The following SPEG variants were observed in gnomAD, a reference collection of about 807,000 sequenced individuals.
The protein encoded by SPEG is striated muscle enriched protein kinase.
A neutral mutation model predicts 300.4 loss-of-function variants in SPEG; 114 were observed. The ratio of observed to expected loss-of-function variants is 0.38; its 90% CI spans 0.33 to 0.44. The LOEUF (loss-of-function observed/expected upper bound fraction) is 0.44. Among genes scored for constraint, SPEG ranks in the 20% least tolerant of loss-of-function variants. The pLI, the probability that SPEG is intolerant of heterozygous loss-of-function variation, is 1.00. For missense variants in SPEG, 4,201 were observed against 4,586.2 expected, an observed-to-expected ratio of 0.92 and a Z score of 2.43; for synonymous variants, 1,964 against 2,018.9, an observed-to-expected ratio of 0.97 and a Z score of 0.73.
Position 219,440,005 on chromosome 2 carries a change from C to T in SPEG, c.388+4640C>T, listed in dbSNP as rs905449089. 1.8e-4 allele frequency among the ~76,000 whole-genome samples: 27 copies of T among 152,208 alleles called. 1 individual carries two copies. The highest frequency in any genetic ancestry group is 3.5e-4 in the Non-Finnish European group (24 of 68,044). On this transcript the variant is annotated intron_variant, in intron 1 of 40. Transcript: ENST00000312358. Reference sequence around the variant, plus strand: ...TCAGCACACGTCCCTGTGCATGTGTCTGTACTTGTAATTTGCTTTGATGCT... The same window carrying T: ...TCAGCACACGTCCCTGTGCATGTGTTTGTACTTGTAATTTGCTTTGATGCT...
rs752626494 is a variant in SPEG, at chr2:219,445,142, C to T, written c.796C>T (p.Arg266Trp). 42 of 1,578,954 alleles carry T rather than the reference C, an allele frequency of 2.7e-5. No individual in the cohort carries two copies. The highest frequency in any genetic ancestry group is 3.3e-4 in the Middle Eastern group (2 of 6,040). Residue 266 changes from arginine (R) to tryptophan (W), a missense_variant, in exon 3 of 41, where the codon CGG (arginine) becomes TGG (tryptophan). Physicochemically the swap from Arg to Trp is moderately radical, Grantham distance 101. Transcript: ENST00000312358. The surrounding 1 kb of genome is among the most constrained non-coding windows in gnomAD (Gnocchi z 6.1). The stretch of plus-strand genomic sequence containing the variant: ...CAGCGCATTCAGCCTGTACAGAGGA[C>T]GGGCGCTCTCTATCCACGTGTAAGT... ...YGSAFSLYRG[R>W]ALSIHVSVPQ...
intron 1 of SPEG, among the ~76,000 whole-genome samples, chr2:219,442,550 T>C (rs1485953003): frequency 6.9e-6 from 1 of 145,606 alleles, no homozygotes; most frequent in African/African-American, 2.6e-5. Flanking sequence ...AGCCCTGCCC[T>C]GTCCTCCGCG....
At chr2:219,436,768 C>T (rs1954730727) in intron 1 of SPEG, among the ~76,000 whole-genome samples, 2 of 152,290 alleles carry the variant, frequency 1.3e-5, no homozygotes, top group Admixed American at 1.3e-4. Flanking sequence ...AAGTACAGGC[C>T]TCCCGAGCCT....
intron 1 of SPEG, among the ~76,000 whole-genome samples, chr2:219,440,055 C>T (rs1025699885): frequency 6.6e-6 from 1 of 152,190 alleles, no homozygotes; most frequent in Non-Finnish European, 1.5e-5. Context: ...CACCTGTATG[C>T]ACCCAGAATG....
rs1361043381 is a variant in SPEG, at chr2:219,483,933, G to A, written c.6470G>A (p.Gly2157Glu). The change falls in exon 30 of 41, where the codon GGG (glycine) becomes GAG (glutamate). Residue 2157 changes from glycine (G) to glutamate (E), a missense_variant. Gly to Glu is a moderately conservative substitution (Grantham distance 98). Coordinates refer to ENST00000312358, the MANE Select transcript of SPEG (RefSeq NM_005876.5). ...CTCGAGATCCCCGTGGCCAGGCTTG[G>A]GGCCCGTAGGCTACAGGAGTCTCCT... ...APLEIPVARL[G>E]ARRLQESPSL... The A allele has an allele frequency of 6.2e-7, 1 of 1,605,116 alleles. No individual in the cohort carries two copies. Among genetic ancestry groups the A allele is most frequent in the South Asian group, 1.1e-5 (1 of 91,068 alleles).
intron 1 of SPEG, among the ~76,000 whole-genome samples, chr2:219,442,574 T>G (rs1689002395): frequency 1.3e-5 from 2 of 151,786 alleles, no homozygotes; most frequent in East Asian, 2.0e-4. Context: ...CTGGGCCTCC[T>G]GCATTCGTGA....
Position 219,464,954 on chromosome 2 carries a change from C to A in SPEG, c.2881+346C>A. On this transcript the variant is annotated intron_variant, in intron 9 of 40. Coordinates refer to ENST00000312358, the MANE Select transcript of SPEG (RefSeq NM_005876.5). The surrounding 1 kb of genome is among the most constrained non-coding windows in gnomAD (Gnocchi z 4.5). ...CTTTGTCACCCTGCTCTGCCCAGGA[C>A]CCTCCCTCATCCCCCTCCCCCTCTC... is the stretch of plus-strand genomic sequence containing the variant. 3 of 219,340 alleles carry A rather than the reference C, an allele frequency of 1.4e-5. No individual in the cohort carries two copies. Among genetic ancestry groups the A allele is most frequent in the Non-Finnish European group, 2.7e-5 (3 of 110,684 alleles). 13.6% of individuals were successfully genotyped at this position (219,340 alleles called of 1,614,324 possible).
Position 219,485,370 on chromosome 2 carries a change from T to C in SPEG, c.7634T>C (p.Leu2545Pro), listed in dbSNP as rs2125565611. The C allele has an allele frequency of 6.2e-7, 1 of 1,606,240 alleles. No homozygotes were observed. Among genetic ancestry groups the C allele is most frequent in the African/African-American group, 1.3e-5 (1 of 74,502 alleles). ...SSAPGESRSR[L>P]RWGFSRPRKD... ...GCCCCAGGGGAAAGCCGAAGCCGGC[T>C]CCGCTGGGGCTTCTCTCGGCCGCGG... Residue 2545 changes from leucine to proline, a missense_variant, in exon 31 of 41, where the codon CTC (leucine) becomes CCC (proline). By Grantham distance (98) the Leu-to-Pro change is moderately conservative (BLOSUM62 -3). Transcript: ENST00000312358.
At position 219,478,104 on chromosome 2, in the gene SPEG, C is replaced by A; in HGVS notation, c.5026C>A (p.Leu1676Ile). Residue 1676 changes from leucine to isoleucine, a missense_variant and splice_region_variant, in exon 22 of 41, where the codon CTC becomes ATC. By Grantham distance (5) the Leu-to-Ile change is conservative. Transcript: ENST00000312358. ...RRRGLVIVTE[L>I]CTEELLERIA... The stretch of plus-strand genomic sequence containing the variant: ...CCGGGGACTGGTCATTGTCACCGAG[C>A]TGTATCCTGGGACAGGCTGGGGGCT... The A allele has an allele frequency of 6.2e-7, 1 of 1,613,088 alleles. No individual in the cohort carries two copies. Among genetic ancestry groups the A allele is most frequent in the Non-Finnish European group, 8.5e-7 (1 of 1,179,128 alleles).
At chr2:219,466,384 G>C in intron 9 of SPEG, 1 of 1,369,870 alleles carries the variant, frequency 7.3e-7, no homozygotes, top group East Asian at 2.8e-5. Context: ...CCGGGCGAGT[G>C]CATGTGCTAC....
chr2:219,476,998 T>C lies in SPEG; in HGVS notation c.4560+16T>C, dbSNP rs372318595. 6 of 1,468,462 alleles carry C rather than the reference T, an allele frequency of 4.1e-6. No homozygotes were observed. Among genetic ancestry groups the C allele is most frequent in the Non-Finnish European group, 5.6e-6 (6 of 1,080,524 alleles). 91.0% of individuals were successfully genotyped at this position (1,468,462 alleles called of 1,614,324 possible). A position where few individuals can be genotyped will look rare whatever the true frequency, so the allele number is the denominator to read the frequency against. On this transcript the variant is annotated intron_variant, in intron 19 of 40. Transcript: ENST00000312358. ...GTGGTACAAGGTCAGAGTGTGCTGC[T>C]GGCTGAGCCTGGGGGAGGGAGGAGG... is the stretch of plus-strand genomic sequence containing the variant.
rs73087214 is a variant in SPEG, at chr2:219,480,306, G to A, written c.5342+166G>A. ...GCCCATGTTACTCCTTGCCCCTTGT[G>A]AGTCAGGGCTGCCCCATTCTCTCAA... On this transcript the variant is annotated intron_variant, in intron 25 of 40. Coordinates refer to ENST00000312358, the MANE Select transcript of SPEG (RefSeq NM_005876.5). This position sits in a 1 kb window ranked among gnomAD's most constrained non-coding sequence, Gnocchi z 5.3. 6.6e-6 allele frequency among the ~76,000 whole-genome samples: 1 copy of A among 152,286 alleles called. No individual in the cohort carries two copies. Among genetic ancestry groups the A allele is most frequent in the African/African-American group, 2.4e-5 (1 of 41,562 alleles).
Position 219,449,109 on chromosome 2 carries a change from G to C in SPEG, c.1951G>C (p.Ala651Pro), listed in dbSNP as rs1689544779. ...CTGGGCCACGCCGGGCCTGGAGGGC[G>C]CTGCTGTACCCCAGACCTTGGAGAA... ...LPWATPGLEG[A>P]AVPQTLEKNR... The change falls in exon 4 of 41, where the codon GCT becomes CCT. Residue 651 changes from alanine to proline, a missense_variant. By Grantham distance (27) the Ala-to-Pro change is conservative. Coordinates refer to ENST00000312358, the MANE Select transcript of SPEG (RefSeq NM_005876.5). The C allele has an allele frequency of 6.8e-7, 1 of 1,479,776 alleles. No individual in the cohort carries two copies. The highest frequency in any genetic ancestry group is 2.8e-5 in the East Asian group (1 of 35,388). 91.7% of individuals were successfully genotyped at this position (1,479,776 alleles called of 1,614,324 possible). A position where few individuals can be genotyped will look rare whatever the true frequency, so the allele number is the denominator to read the frequency against.
intron 22 of SPEG, 38 bp downstream of exon 22, chr2:219,478,143 C>T: frequency 1.9e-6 from 3 of 1,556,290 alleles, no homozygotes; most frequent in Non-Finnish European, 2.7e-6. Flanking sequence ...GGGATCCATG[C>T]CTAAATGACT....
Position 219,483,981 on chromosome 2 carries a change from C to T in SPEG, c.6518C>T (p.Ala2173Val). The T allele has an allele frequency of 1.9e-6, 3 of 1,610,976 alleles. No homozygotes were observed. Among genetic ancestry groups the T allele is most frequent in the Non-Finnish European group, 2.5e-6 (3 of 1,179,858 alleles). Residue 2173 changes from alanine to valine, a missense_variant, in exon 30 of 41, where the codon GCC becomes GTC. Around this residue, in one of 4 missense-constraint regions of SPEG, gnomAD observed 1,578 missense variants for 1,506.0 expected, o/e 1.05. Transcript: ENST00000312358. ...ESPSLSALSE[A>V]QPSSPARPSA... ...CCTTCCCTGTCTGCCCTCAGCGAGG[C>T]CCAGCCATCCAGCCCTGCACGGCCC...
intron 31 of SPEG, among the ~76,000 whole-genome samples, chr2:219,486,419 T>C (rs1176969882): frequency 6.6e-6 from 1 of 152,180 alleles, no homozygotes; most frequent in Non-Finnish European, 1.5e-5. Context: ...CTGTCGAGTC[T>C]TGCCTCAGCT....
intron 8 of SPEG, among the ~76,000 whole-genome samples, chr2:219,463,949 C>T (rs1380688678): frequency 6.6e-6 from 1 of 151,898 alleles, no homozygotes; most frequent in Non-Finnish European, 1.5e-5. Context: ...TGGTGAAACC[C>T]TGTATCTACA....
At position 219,477,921 on chromosome 2, in the gene SPEG, T is replaced by C; in HGVS notation, c.4843T>C (p.Leu1615=). The C allele has an allele frequency of 6.2e-7, 1 of 1,614,132 alleles. No homozygotes were observed. Among genetic ancestry groups the C allele is most frequent in the East Asian group, 2.2e-5 (1 of 44,884 alleles). ...QEIGRGAFSY[L]RRIVERSSGL... is the part of the protein sequence containing the mutation. ...GTCAACCAGGGGTGCTTTCTCCTACTTGCGGCGCATAGTGGAGCGTAGCTC... is the reference window on the plus strand; with the variant it reads ...GTCAACCAGGGGTGCTTTCTCCTACCTGCGGCGCATAGTGGAGCGTAGCTC... Residue 1615 remains leucine, a synonymous_variant, in exon 22 of 41, where the codon TTG becomes CTG. Transcript: ENST00000312358. The surrounding 1 kb of genome is among the most constrained non-coding windows in gnomAD (Gnocchi z 6.4).
In SPEG at chr2:219,483,078, C is replaced by A; in HGVS notation, c.5635-20C>A. The A allele has an allele frequency of 1.9e-6, 3 of 1,597,406 alleles. No individual in the cohort carries two copies. Among genetic ancestry groups the A allele is most frequent in the Non-Finnish European group, 2.6e-6 (3 of 1,175,074 alleles). ...TGCCCCAGGGGTCCCTCAGGTCTGACTCCAGTACCCTGTCTCCAGCGCTCC... is the reference window on the plus strand; with the variant it reads ...TGCCCCAGGGGTCCCTCAGGTCTGAATCCAGTACCCTGTCTCCAGCGCTCC... On this transcript the variant is annotated intron_variant, in intron 29 of 40. Coordinates refer to ENST00000312358, the MANE Select transcript of SPEG (RefSeq NM_005876.5).
Sources: gnomAD v4.1 joint callset for allele counts (sites outside exome capture counted in the v4.1 genomes callset) on GRCh38, gnomAD v4.1.1 for gene constraint, gnomAD v4.1.1 regional missense constraint, Gnocchi (gnomAD v3.1) non-coding constraint, MANE v1.5 for transcripts, NCBI Gene and HGNC (gene_info 2026-07-23, HGNC 2026-07-21) for gene names.